Variants in DCDC1 observed in about 807,000 individuals in gnomAD.
DCDC1 encodes the protein doublecortin domain-containing protein 1.
Under a neutral mutation model 178.3 loss-of-function variants are expected in DCDC1, and 200 were observed. The observed-to-expected ratio is 1.12, with a 90% CI of 1.00 to 1.26. The LOEUF (loss-of-function observed/expected upper bound fraction) is 1.26, where lower values mean the gene tolerates loss of function less well. DCDC1 is among the 50% of genes most tolerant of loss of function. DCDC1 has a pLI of 0.00. For missense variants in DCDC1, 1,983 were observed against 1,749.2 expected (o/e 1.13, Z -2.38); for synonymous variants, 690 against 604.8 (o/e 1.14, Z -2.07).
At chr11:30,925,528 G>C (rs927736264) in intron 22 of DCDC1, 120 bp from the exon 23 acceptor site, 4 of 839,994 alleles carry the variant, frequency 4.8e-6, no homozygotes, top group Non-Finnish European at 7.5e-6. Context: ...AGGACTGTTA[G>C]TCATGAGCTG....
In DCDC1 at chr11:31,321,644, C is replaced by T. The variant is rs547535991; in HGVS notation, c.164+6473G>A. 7.9e-5 allele frequency among the ~76,000 whole-genome samples: 12 copies of T among 152,246 alleles called. No homozygotes were observed. The South Asian group carries it at 1.9e-3, about 24-fold the overall frequency. On this transcript the variant is annotated intron_variant, in intron 3 of 38. Transcript: ENST00000684477. ...GTCGCTCACGCTGGGAGCTGTAGACCGGAGCTGTTCCTATTCGGCCATCTT... is the reference window on the plus strand; with the variant it reads ...GTCGCTCACGCTGGGAGCTGTAGACTGGAGCTGTTCCTATTCGGCCATCTT...
intron 11 of DCDC1, among the ~76,000 whole-genome samples, chr11:31,124,430 T>C (rs1446771368): frequency 6.6e-6 from 1 of 152,130 alleles, no homozygotes; most frequent in Non-Finnish European, 1.5e-5. Context: ...TAGAAAACAC[T>C]ATTTTAAAGT....
intron 9 of DCDC1, among the ~76,000 whole-genome samples, chr11:31,213,100 C>CGTGTCTCT (rs1972851664): frequency 6.8e-5 from 3 of 44,274 alleles, no homozygotes; most frequent in African/African-American, 2.5e-4. Context: ...TAAAGCCCAG[C>CGTGTCTCT]CTCTCTCTCT....
intron 9 of DCDC1, among the ~76,000 whole-genome samples, chr11:31,152,581 C>T (rs1289970073): frequency 6.6e-6 from 1 of 152,184 alleles, no homozygotes; most frequent in African/African-American, 2.4e-5. Flanking sequence ...GGTCGCCTTT[C>T]CTGAGGCAGT....
intron 7 of DCDC1, among the ~76,000 whole-genome samples, chr11:31,289,180 A>G (rs1947045821): frequency 6.6e-6 from 1 of 152,004 alleles, no homozygotes; most frequent in African/African-American, 2.4e-5. Flanking sequence ...TATAATCTGT[A>G]AGAGTGACTA....
intron 7 of DCDC1, among the ~76,000 whole-genome samples, chr11:31,285,513 A>T (rs531631726): frequency 5.3e-5 from 8 of 152,170 alleles, no homozygotes; most frequent in Admixed American, 2.6e-4. Context: ...CTCTGCTGCC[A>T]TAGTTACTAA....
intron 21 of DCDC1, among the ~76,000 whole-genome samples, chr11:30,933,517 T>C (rs1282383354): frequency 1.3e-5 from 2 of 152,204 alleles, no homozygotes; most frequent in African/African-American, 4.8e-5. Flanking sequence ...AAATTGCTCA[T>C]GATGTATGAC....
chr11:31,149,441 A>G (rs1964884251), intron 9 of DCDC1, among the ~76,000 whole-genome samples: 1 of 152,182 alleles, frequency 6.6e-6, no homozygotes, highest in Admixed American at 6.5e-5. Context: ...AAAATGGACC[A>G]ATCAGCAGGA....
intron 20 of DCDC1, among the ~76,000 whole-genome samples, chr11:31,008,552 T>C (rs1472785922): frequency 6.6e-6 from 1 of 152,214 alleles, no homozygotes; most frequent in African/African-American, 2.4e-5. Context: ...TTCGTTGTTA[T>C]ATCTCTCATG....
chr11:31,294,101 AAGG>A (rs1407481708), intron 6 of DCDC1, among the ~76,000 whole-genome samples: 2 of 152,168 alleles, frequency 1.3e-5, no homozygotes, highest in Non-Finnish European at 2.9e-5. Flanking sequence ...CGACAACTGT[AAGG>A]AGGACAGAGC....
intron 18 of DCDC1, among the ~76,000 whole-genome samples, chr11:31,076,016 C>T (rs1217512014): frequency 3.9e-5 from 6 of 152,164 alleles, no homozygotes; most frequent in South Asian, 2.1e-4. Context: ...TGTACCACCA[C>T]GCCTGGCTAA....
chr11:31,210,937 T>TAA (rs1972456160), intron 9 of DCDC1, among the ~76,000 whole-genome samples: 1 of 152,176 alleles, frequency 6.6e-6, no homozygotes, highest in South Asian at 2.1e-4. Flanking sequence ...CATGAATGGA[T>TAA]AAATATCTCT....
intron 3 of DCDC1, among the ~76,000 whole-genome samples, chr11:31,313,422 G>A (rs1444332226): frequency 1.3e-5 from 2 of 152,086 alleles, no homozygotes; most frequent in East Asian, 1.9e-4. Flanking sequence ...TCATGAATAG[G>A]TGCATCTGTC....
At chr11:31,288,857 C>A (rs182992443) in intron 7 of DCDC1, among the ~76,000 whole-genome samples, 1 of 151,726 alleles carries the variant, frequency 6.6e-6, no homozygotes, top group Non-Finnish European at 1.5e-5. Flanking sequence ...AATTAGCAAG[C>A]CTTATTTTTC....
chr11:31,213,820 A>G (rs1030189971), intron 9 of DCDC1, among the ~76,000 whole-genome samples: 1 of 152,086 alleles, frequency 6.6e-6, no homozygotes, highest in East Asian at 1.9e-4. Context: ...TACTAATATT[A>G]CCGACTATTA....
chr11:31,084,153 G>A (rs1321925340), intron 17 of DCDC1, among the ~76,000 whole-genome samples: 1 of 152,054 alleles, frequency 6.6e-6, no homozygotes, highest in Non-Finnish European at 1.5e-5. Flanking sequence ...AACACCAAAT[G>A]AGACATAATT....
At chr11:31,134,238 T>C (rs1393536309) in intron 10 of DCDC1, among the ~76,000 whole-genome samples, 1 of 152,222 alleles carries the variant, frequency 6.6e-6, no homozygotes, top group Non-Finnish European at 1.5e-5. Flanking sequence ...ACAAGGATGA[T>C]GTCAATTATA....
At chr11:31,096,086 C>T (rs1271261553) in intron 15 of DCDC1, among the ~76,000 whole-genome samples, 2 of 152,052 alleles carry the variant, frequency 1.3e-5, no homozygotes, top group East Asian at 3.8e-4. Context: ...TGATCAGGTA[C>T]TATCATAAGG....
Position 30,926,249 on chromosome 11 carries a change from G to T in DCDC1, c.2898-841C>A, listed in dbSNP as rs158632. Among the ~76,000 whole-genome samples, 368 of 152,302 alleles carry T rather than the reference G, an allele frequency of 2.4e-3. 3 individuals are homozygous for T. Among genetic ancestry groups the T allele is most frequent in the African/African-American group, 8.4e-3 (347 of 41,556 alleles). On this transcript the variant is annotated intron_variant, in intron 22 of 38. Coordinates refer to ENST00000684477, the MANE Select transcript of DCDC1 (RefSeq NM_001387274.1). ...AACAGGATTTCATCAAAAAGCGCTA[G>T]ACTGGAGCTGAGTGTATGGACATGA...
Sources: allele counts gnomAD v4.1 joint callset (sites outside exome capture counted in the v4.1 genomes callset), GRCh38; gene constraint gnomAD v4.1.1; transcripts MANE v1.5; gene names NCBI Gene and HGNC (gene_info 2026-07-23, HGNC 2026-07-21).